TLE1: variants seen among roughly 807,000 people sequenced by gnomAD.
The protein encoded by TLE1 is transducin-like enhancer protein 1.
Under a neutral mutation model 89.8 loss-of-function variants are expected in TLE1, and 21 were observed. The observed-to-expected ratio is 0.23, with a 90% CI of 0.17 to 0.34. The LOEUF (loss-of-function observed/expected upper bound fraction) is 0.34, where lower values mean the gene tolerates loss of function less well. Ranked by LOEUF, TLE1 falls within the 10% of genes least tolerant of loss-of-function variation. The pLI is 1.00. For synonymous variants in TLE1, 447 were observed against 407.6 expected (o/e 1.10, Z -1.16); for missense variants, 795 against 1,031.2 (o/e 0.77, Z 3.14).
At chr9:81,680,908 G>A (rs1833533558) in intron 4 of TLE1, among the ~76,000 whole-genome samples, 1 of 150,406 alleles carries the variant, frequency 6.6e-6, no homozygotes, top group South Asian at 2.1e-4. Flanking sequence ...GTGAGAAACT[G>A]TAGACAAAAA....
chr9:81,615,861 A>C (rs895380081), intron 11 of TLE1, 121 bp downstream of exon 11: 9 of 1,276,892 alleles, frequency 7.0e-6, no homozygotes, highest in Admixed American at 4.5e-5. Context: ...TTTCACTATT[A>C]AACTCTTAAA....
intron 11 of TLE1, among the ~76,000 whole-genome samples, chr9:81,614,211 A>G (rs1358012502): frequency 6.6e-6 from 1 of 152,156 alleles, no homozygotes; most frequent in Non-Finnish European, 1.5e-5. Context: ...CCAGGCCAGA[A>G]GACCCCTTTT....
chr9:81,595,962 G>A (rs1830149348), intron 14 of TLE1, among the ~76,000 whole-genome samples: 1 of 152,076 alleles, frequency 6.6e-6, no homozygotes, highest in Non-Finnish European at 1.5e-5. Context: ...GTTTTTCTCT[G>A]TGTACCACAA....
intron 4 of TLE1, among the ~76,000 whole-genome samples, chr9:81,655,865 A>AG (rs900864970): frequency 2.1e-5 from 3 of 144,222 alleles, no homozygotes; most frequent in Non-Finnish European, 4.4e-5. Flanking sequence ...AAAAAAAAAA[A>AG]AAAAGAAAAG....
intron 14 of TLE1, among the ~76,000 whole-genome samples, chr9:81,607,162 C>A (rs1831805620): frequency 6.6e-6 from 1 of 152,070 alleles, no homozygotes; most frequent in Non-Finnish European, 1.5e-5. Context: ...GAGAAAAGTA[C>A]CCCGACATAG....
chr9:81,621,743 C>G lies in TLE1; in HGVS notation c.595-1186G>C, dbSNP rs575669120. ...CAGGTGGCCAGCCCTCAAAGCTCCC[C>G]TGAAAACCATGGACCCCACCATGGG... On this transcript the variant is annotated intron_variant, in intron 8 of 19. Coordinates refer to ENST00000376499, the MANE Select transcript of TLE1 (RefSeq NM_005077.5). Among the ~76,000 whole-genome samples the G allele has an allele frequency of 1.6e-3, 239 of 152,270 alleles. 1 individual carries two copies. Among genetic ancestry groups the G allele is most frequent in the African/African-American group, 5.3e-3 (220 of 41,550 alleles).
At chr9:81,635,564 C>T (rs1001462112) in intron 6 of TLE1, among the ~76,000 whole-genome samples, 10 of 152,124 alleles carry the variant, frequency 6.6e-5, no homozygotes, top group Non-Finnish European at 1.2e-4. Context: ...TTTGATGAGA[C>T]AGTAAAAATG....
intron 4 of TLE1, among the ~76,000 whole-genome samples, chr9:81,664,080 C>A (rs1458199247): frequency 6.6e-6 from 1 of 151,974 alleles, no homozygotes; most frequent in African/African-American, 2.4e-5. Context: ...GAACAAAATC[C>A]ACAAACACAT....
intron 14 of TLE1, among the ~76,000 whole-genome samples, chr9:81,607,445 C>T (rs979698614): frequency 3.3e-5 from 5 of 152,192 alleles, no homozygotes; most frequent in African/African-American, 1.2e-4. Context: ...CCCGCCTTCC[C>T]CCACTGCATC....
intron 4 of TLE1, among the ~76,000 whole-genome samples, chr9:81,654,690 T>C (rs1374300419): frequency 6.6e-6 from 1 of 152,180 alleles, no homozygotes; most frequent in Non-Finnish European, 1.5e-5. Context: ...ATGTCATTAT[T>C]GCAAGTTCAT....
At position 81,639,395 on chromosome 9, in the gene TLE1, C is replaced by CCT. The variant is rs138897206; in HGVS notation, c.373-5095_373-5094insAG. Among the ~76,000 whole-genome samples the CCT allele has an allele frequency of 2.5e-3, 386 of 152,208 alleles. 3 individuals are homozygous for CCT. Among genetic ancestry groups the CCT allele is most frequent in the African/African-American group, 8.9e-3 (369 of 41,550 alleles). On this transcript the variant is annotated intron_variant, in intron 6 of 19. Coordinates refer to ENST00000376499, the MANE Select transcript of TLE1 (RefSeq NM_005077.5). ...CTGTACTCTCTAACCAAAACCTGCC[C>CCT]GTCATTTGGAAAACTGCAAGATGTT...
At position 81,587,675 on chromosome 9, in the gene TLE1, A is replaced by C. The variant is rs749891021; in HGVS notation, c.1977+6T>G. On this transcript the variant is annotated splice_donor_region_variant and intron_variant, in intron 17 of 19. Transcript: ENST00000376499. ...ACTCCAGGGCAGGCGGAAGCCACTC[A>C]GTCACCTGGGAGGTGAAGTCGTGCT... The C allele has an allele frequency of 6.2e-7, 1 of 1,607,888 alleles. No homozygotes were observed. The highest frequency in any genetic ancestry group is 2.2e-5 in the East Asian group (1 of 44,812).
At chr9:81,615,936 G>A in intron 11 of TLE1, 46 bp downstream of exon 11, 1 of 1,609,146 alleles carries the variant, frequency 6.2e-7, no homozygotes, top group South Asian at 1.1e-5. Context: ...AGTCCACAAT[G>A]AAAAATACAC....
intron 14 of TLE1, among the ~76,000 whole-genome samples, chr9:81,602,977 G>C (rs760564543): frequency 2.6e-5 from 4 of 152,160 alleles, no homozygotes; most frequent in Non-Finnish European, 5.9e-5. Context: ...AAGGTGACCA[G>C]GGTGGTTGGG....
At chr9:81,591,268 T>C (rs778313175) in intron 15 of TLE1, among the ~76,000 whole-genome samples, 43 of 152,336 alleles carry the variant, frequency 2.8e-4, no homozygotes, top group Non-Finnish European at 3.5e-4. Context: ...TAACTGCTTC[T>C]GGTGTCCTGC....
At chr9:81,588,515 C>A (rs893337285) in intron 16 of TLE1, among the ~76,000 whole-genome samples, 1 of 152,178 alleles carries the variant, frequency 6.6e-6, no homozygotes, top group African/African-American at 2.4e-5. Flanking sequence ...GACCCACGGG[C>A]ACCTCAGCAA....
intron 6 of TLE1, among the ~76,000 whole-genome samples, chr9:81,646,330 A>G (rs1327979267): frequency 2.0e-5 from 3 of 152,168 alleles, no homozygotes; most frequent in Non-Finnish European, 4.4e-5. Context: ...CTTCTTTGCA[A>G]TATTGCTCTT....
intron 14 of TLE1, among the ~76,000 whole-genome samples, chr9:81,608,841 A>T (rs972295069): frequency 6.6e-6 from 1 of 151,818 alleles, no homozygotes; most frequent in Admixed American, 6.6e-5. Context: ...AGAGGCTGAG[A>T]CAGAAGAATT....
At chr9:81,683,705 C>T (rs1833903344) in intron 4 of TLE1, among the ~76,000 whole-genome samples, 1 of 152,102 alleles carries the variant, frequency 6.6e-6, no homozygotes, top group South Asian at 2.1e-4. Context: ...GGCTCAGTAC[C>T]CTACTATGAA....
Sources: allele counts gnomAD v4.1 joint callset (sites outside exome capture counted in the v4.1 genomes callset), GRCh38; gene constraint gnomAD v4.1.1; transcripts MANE v1.5; gene names NCBI Gene and HGNC (gene_info 2026-07-23, HGNC 2026-07-21).